The following RASA3 variants were observed in gnomAD, a reference collection of about 807,000 sequenced individuals.
RASA3 encodes ras GTPase-activating protein 3.
A neutral mutation model predicts 110.0 loss-of-function variants in RASA3; 73 were observed. That is an observed-to-expected ratio of 0.66 (90% CI 0.55 to 0.81). The LOEUF (loss-of-function observed/expected upper bound fraction) is 0.81, where lower values mean the gene tolerates loss of function less well. RASA3 is among the 30% of genes least tolerant of loss of function. The pLI is 0.00. For missense variants in RASA3, 976 were observed against 1,113.2 expected, an observed-to-expected ratio of 0.88 and a Z score of 1.75; for synonymous variants, 500 against 451.4, an observed-to-expected ratio of 1.11 and a Z score of -1.37.
chr13:114,010,824 A>AGGAGG (rs752676534), intron 16 of RASA3, among the ~76,000 whole-genome samples: 1 of 3,864 alleles, frequency 2.6e-4, no homozygotes, highest in Non-Finnish European at 4.6e-4. Flanking sequence ...GGGCTGCGTG[A>AGGAGG]CGAGGAGCCT....
chr13:114,117,251 T>G (rs1284698192), intron 1 of RASA3, among the ~76,000 whole-genome samples: 1 of 83,612 alleles, frequency 1.2e-5, no homozygotes, highest in East Asian at 3.6e-4. Context: ...GGGGTGCACG[T>G]GTGTGAGGGA....
At chr13:114,027,973 TG>T in intron 5 of RASA3, 46 bp from the exon 6 acceptor site, 5 of 1,515,678 alleles carry the variant, frequency 3.3e-6, no homozygotes, top group Non-Finnish European at 3.6e-6. Flanking sequence ...CGCAGACACC[TG>T]GGCGAATGGC....
intron 16 of RASA3, 46 bp from the exon 17 acceptor site, chr13:114,009,510 G>T: frequency 1.6e-6 from 2 of 1,285,372 alleles, no homozygotes; most frequent in Non-Finnish European, 2.3e-6. Flanking sequence ...AAGTACCTCG[G>T]CTCACGGCCC....
intron 4 of RASA3, among the ~76,000 whole-genome samples, chr13:114,038,987 T>A (rs2054336678): frequency 6.6e-6 from 1 of 152,210 alleles, no homozygotes; most frequent in Admixed American, 6.5e-5. Context: ...GCCACCAATT[T>A]ACGATGCGCC....
At chr13:114,039,316 C>T (rs2054345588) in intron 4 of RASA3, among the ~76,000 whole-genome samples, 1 of 147,254 alleles carries the variant, frequency 6.8e-6, no homozygotes, top group Non-Finnish European at 1.5e-5. Context: ...AGGAAGCCCT[C>T]CTGTGTCCCA....
intron 3 of RASA3, among the ~76,000 whole-genome samples, chr13:114,049,407 A>T (rs1314753674): frequency 6.6e-6 from 1 of 152,202 alleles, no homozygotes; most frequent in Non-Finnish European, 1.5e-5. Context: ...AGCCACCAAG[A>T]ACTACTAGCA....
In RASA3 at chr13:113,996,788, G is replaced by C. The variant is rs116482043; in HGVS notation, c.1933-49C>G. The C allele has an allele frequency of 2.4e-3, 3,713 of 1,535,640 alleles. 84 individuals carry two copies. The African/African-American group carries it at 0.044, about 18-fold the overall frequency. On this transcript the variant is annotated intron_variant, in intron 20 of 23. Transcript: ENST00000334062. The stretch of plus-strand genomic sequence containing the variant: ...ACAGCGCACATGAGGTCTCGTGGCT[G>C]AGCACGTGCAAGAGTCCACCAGGCA...
intron 20 of RASA3, among the ~76,000 whole-genome samples, chr13:113,997,875 C>G (rs1429534215): frequency 6.6e-6 from 1 of 152,158 alleles, no homozygotes; most frequent in Non-Finnish European, 1.5e-5. Flanking sequence ...AGGCCAGGAG[C>G]CTCCCGCCTT....
intron 1 of RASA3, among the ~76,000 whole-genome samples, chr13:114,093,719 CTTGTA>C (rs1761571953): frequency 3.3e-5 from 5 of 152,064 alleles, no homozygotes; most frequent in Admixed American, 2.6e-4. Flanking sequence ...TCCCATAGAT[CTTGTA>C]AGCTTTCTTC....
In RASA3 at chr13:114,110,990, TA is replaced by T. The variant is rs534002547; in HGVS notation, c.55+21444del. On this transcript the variant is annotated intron_variant, in intron 1 of 23. Transcript: ENST00000334062. ...TGTCATAATCCAGGGCTGCTCAAAGTAAAAAAAAAAAAAACCTAAAACTGCA... is the reference window on the plus strand; with the variant it reads ...TGTCATAATCCAGGGCTGCTCAAAGTAAAAAAAAAAAAACCTAAAACTGCA... Among the ~76,000 whole-genome samples the T allele has an allele frequency of 4.5e-3, 594 of 130,600 alleles. 21 individuals are homozygous for T. The highest frequency in any genetic ancestry group is 0.025 in the South Asian group (105 of 4,170). 85.7% of individuals were successfully genotyped at this position (130,600 alleles called of 152,430 possible). A position where few individuals can be genotyped will look rare whatever the true frequency, so the allele number is the denominator to read the frequency against.
At chr13:114,090,574 G>A (rs1157301654) in intron 1 of RASA3, among the ~76,000 whole-genome samples, 1 of 152,172 alleles carries the variant, frequency 6.6e-6, no homozygotes, top group East Asian at 1.9e-4. Context: ...CTTGCCCCCT[G>A]AGCTCATCAC....
chr13:114,100,669 T>C (rs118072203), intron 1 of RASA3, among the ~76,000 whole-genome samples: 3,032 of 152,336 alleles, frequency 0.02, 41 homozygotes, highest in Non-Finnish European at 0.032. Flanking sequence ...CCAGGACACC[T>C]GGGCAAACAG....
At chr13:114,075,387 C>G (rs2079651962) in intron 1 of RASA3, among the ~76,000 whole-genome samples, 1 of 152,246 alleles carries the variant, frequency 6.6e-6, no homozygotes, top group African/African-American at 2.4e-5. Context: ...GACTTTTCAT[C>G]CACAATATTA....
chr13:114,089,889 G>A (rs1325070708), intron 1 of RASA3, among the ~76,000 whole-genome samples: 1 of 146,186 alleles, frequency 6.8e-6, no homozygotes, highest in African/African-American at 2.5e-5. Flanking sequence ...TTCATGGAAT[G>A]GGACCACACG....
chr13:114,015,919 G>C (rs892064739), intron 13 of RASA3, among the ~76,000 whole-genome samples: 1 of 152,136 alleles, frequency 6.6e-6, no homozygotes, highest in Admixed American at 6.5e-5. Context: ...GGGGGGCAGA[G>C]CTGGGGCATG....
intron 21 of RASA3, among the ~76,000 whole-genome samples, chr13:113,995,144 T>C (rs9314901): frequency 2.0e-5 from 3 of 152,072 alleles, no homozygotes; most frequent in African/African-American, 4.8e-5. Context: ...CTCATGGAGA[T>C]AAATGGCCTG....
At chr13:114,078,254 C>T (rs2079725699) in intron 1 of RASA3, among the ~76,000 whole-genome samples, 1 of 152,210 alleles carries the variant, frequency 6.6e-6, no homozygotes, top group South Asian at 2.1e-4. Context: ...TCCACCGCAC[C>T]CCAAACAGTT....
intron 1 of RASA3, among the ~76,000 whole-genome samples, chr13:114,100,491 AGCC>A (rs1419330074): frequency 1.3e-5 from 2 of 152,252 alleles, no homozygotes; most frequent in African/African-American, 4.8e-5. Context: ...TGCTCAGAGC[AGCC>A]AGGGACCCCC....
chr13:114,121,447 A>T (rs1042407681), intron 1 of RASA3, among the ~76,000 whole-genome samples: 1 of 152,198 alleles, frequency 6.6e-6, no homozygotes. Context: ...GGAAAAGCCA[A>T]CAGAAGCCCA....
Sources: allele counts gnomAD v4.1 joint callset (sites outside exome capture counted in the v4.1 genomes callset), GRCh38; gene constraint gnomAD v4.1.1; transcripts MANE v1.5; gene names NCBI Gene and HGNC (gene_info 2026-07-23, HGNC 2026-07-21).